Variants in DCLK1 observed in about 807,000 individuals in gnomAD.
The protein encoded by DCLK1 is doublecortin like kinase 1.
A neutral mutation model predicts 86.2 loss-of-function variants in DCLK1; 16 were observed. The observed-to-expected ratio is 0.19, with a 90% confidence interval of 0.13 to 0.28. DCLK1 has a LOEUF of 0.28. DCLK1 is among the 10% of genes least tolerant of loss of function. The pLI is 1.00. For missense variants in DCLK1, 590 were observed against 940.2 expected (o/e 0.63, Z 4.87); for synonymous variants, 369 against 370.5 (o/e 1.00, Z 0.05).
intron 3 of DCLK1, among the ~76,000 whole-genome samples, chr13:36,074,229 G>A (rs752017640): frequency 1.4e-4 from 21 of 152,134 alleles, no homozygotes; most frequent in Non-Finnish European, 2.6e-4. Flanking sequence ...ACGGCCGGGC[G>A]TGGTGGCTCA....
intron 3 of DCLK1, among the ~76,000 whole-genome samples, chr13:35,963,311 T>G (rs891678337): frequency 3.3e-5 from 5 of 152,200 alleles, no homozygotes; most frequent in Non-Finnish European, 7.3e-5. Context: ...AAAAACCAAA[T>G]GCATCAGGAG....
intron 6 of DCLK1, chr13:35,849,210 A>G (rs1870430370): frequency 3.0e-6 from 3 of 985,266 alleles, no homozygotes; most frequent in Non-Finnish European, 3.6e-6. Flanking sequence ...GTGAGATGGT[A>G]ACATACGTAA....
At chr13:35,985,726 T>TGCC (rs1262932915) in intron 3 of DCLK1, among the ~76,000 whole-genome samples, 1 of 152,236 alleles carries the variant, frequency 6.6e-6, no homozygotes, top group Non-Finnish European at 1.5e-5. Flanking sequence ...GGGGATGGGC[T>TGCC]GCCCCTCCAG....
intron 5 of DCLK1, among the ~76,000 whole-genome samples, chr13:35,861,645 C>T (rs556827263): frequency 8.3e-5 from 12 of 144,562 alleles, no homozygotes; most frequent in Admixed American, 6.3e-4. Context: ...ATTTCTGCCC[C>T]GTCCTTCATC....
intron 4 of DCLK1, among the ~76,000 whole-genome samples, chr13:35,918,910 G>GTTTT (rs1875611012): frequency 1.3e-4 from 1 of 7,804 alleles, no homozygotes; most frequent in Non-Finnish European, 5.1e-4. Context: ...TTTTTTTTTT[G>GTTTT]GAAACGGAGT....
In DCLK1 at chr13:35,857,013, T is replaced by C. The variant is rs117842142; in HGVS notation, c.941-2420A>G. On this transcript the variant is annotated intron_variant, in intron 5 of 16. Coordinates refer to ENST00000360631, the MANE Select transcript of DCLK1 (RefSeq NM_001330071.2). ...ACCTTGCCTTACTGTGCCAGCCCTT[T>C]AACCTACAGGTAAACCAGAGAACTA... 7.1e-3 allele frequency among the ~76,000 whole-genome samples: 1,078 copies of C among 152,260 alleles called. 3 individuals carry two copies. Among genetic ancestry groups the C allele is most frequent in the Non-Finnish European group, 0.012 (815 of 68,016 alleles).
At position 35,999,924 on chromosome 13, in the gene DCLK1, C is replaced by T. The variant is rs189878655; in HGVS notation, c.724-52467G>A. Among the ~76,000 whole-genome samples the T allele has an allele frequency of 7.5e-3, 1,141 of 152,258 alleles. 20 individuals are homozygous for T. The highest frequency in any genetic ancestry group is 6.5e-3 in the Non-Finnish European group (444 of 68,026). On this transcript the variant is annotated intron_variant, in intron 3 of 16. Coordinates refer to ENST00000360631, the MANE Select transcript of DCLK1 (RefSeq NM_001330071.2). ...CAATCATTGCTGAAATCTCCCAATC[C>T]ACCCAAACAAGTCTTACATTCTAGG...
chr13:36,019,220 T>C (rs1393296968), intron 3 of DCLK1, among the ~76,000 whole-genome samples: 1 of 152,206 alleles, frequency 6.6e-6, no homozygotes, highest in Non-Finnish European at 1.5e-5. Flanking sequence ...TTAGTTATTA[T>C]AGAAACTGAT....
At chr13:35,887,214 G>A (rs1233467052) in intron 4 of DCLK1, among the ~76,000 whole-genome samples, 2 of 152,230 alleles carry the variant, frequency 1.3e-5, no homozygotes, top group Non-Finnish European at 2.9e-5. Flanking sequence ...TGATCTAAGT[G>A]CCACAGGTGA....
At chr13:36,026,013 A>G (rs1465561715) in intron 3 of DCLK1, among the ~76,000 whole-genome samples, 2 of 152,144 alleles carry the variant, frequency 1.3e-5, no homozygotes, top group Admixed American at 6.5e-5. Flanking sequence ...ACTTCCATCA[A>G]TTCAGTTTGA....
At chr13:35,814,689 T>C (rs2087229465) in intron 11 of DCLK1, among the ~76,000 whole-genome samples, 1 of 152,260 alleles carries the variant, frequency 6.6e-6, no homozygotes, top group Non-Finnish European at 1.5e-5. Flanking sequence ...CTTTAAGTAC[T>C]ATAGATGTTC....
At chr13:36,002,922 G>A (rs906411832) in intron 3 of DCLK1, among the ~76,000 whole-genome samples, 1 of 152,178 alleles carries the variant, frequency 6.6e-6, no homozygotes, top group Admixed American at 6.5e-5. Flanking sequence ...TGAGGGCTGG[G>A]GAGGCCTTGT....
At chr13:35,976,980 G>A (rs1926322) in intron 3 of DCLK1, among the ~76,000 whole-genome samples, 4 of 151,990 alleles carry the variant, frequency 2.6e-5, no homozygotes. Context: ...GATATAGAGA[G>A]CTTAAGCCTT....
intron 3 of DCLK1, among the ~76,000 whole-genome samples, chr13:36,088,850 TCA>T (rs1388088756): frequency 6.6e-6 from 1 of 152,224 alleles, no homozygotes; most frequent in Non-Finnish European, 1.5e-5. Context: ...CCAAGAACAC[TCA>T]CTATTCTTAG....
intron 16 of DCLK1, among the ~76,000 whole-genome samples, chr13:35,778,408 C>G (rs912782939): frequency 1.3e-5 from 2 of 152,164 alleles, no homozygotes; most frequent in African/African-American, 4.8e-5. Context: ...TTTACTCTGC[C>G]TATGGTTAAC....
At chr13:35,913,434 T>C (rs747170115) in intron 4 of DCLK1, among the ~76,000 whole-genome samples, 2 of 152,196 alleles carry the variant, frequency 1.3e-5, no homozygotes, top group Non-Finnish European at 2.9e-5. Context: ...CAACCACAAA[T>C]GCTCAAATGC....
chr13:35,830,140 C>T (rs958897334), intron 8 of DCLK1, among the ~76,000 whole-genome samples: 1 of 152,144 alleles, frequency 6.6e-6, no homozygotes, highest in Non-Finnish European at 1.5e-5. Context: ...AATCCCAGCA[C>T]TTTGGGAGGC....
intron 4 of DCLK1, among the ~76,000 whole-genome samples, chr13:35,942,143 C>T (rs541948982): frequency 5.3e-5 from 8 of 152,186 alleles, no homozygotes; most frequent in East Asian, 3.9e-4. Context: ...CGAATCCACA[C>T]GGCTTTAATG....
intron 4 of DCLK1, among the ~76,000 whole-genome samples, chr13:35,923,469 G>A (rs1157552827): frequency 6.6e-6 from 1 of 151,948 alleles, no homozygotes; most frequent in East Asian, 1.9e-4. Context: ...CTGGGCCTAG[G>A]GAACATTGTT....
Sources: allele counts gnomAD v4.1 joint callset (sites outside exome capture counted in the v4.1 genomes callset), GRCh38; gene constraint gnomAD v4.1.1; transcripts MANE v1.5; gene names NCBI Gene and HGNC (gene_info 2026-07-23, HGNC 2026-07-21).